SGO2: variants seen among roughly 807,000 people sequenced by gnomAD.
SGO2 encodes shugoshin 2.
In SGO2, 68 loss-of-function variants were observed where a neutral mutation model predicts 99.5. That is an observed-to-expected ratio of 0.68 (90% CI 0.56 to 0.84). The LOEUF (loss-of-function observed/expected upper bound fraction) is 0.84. Among genes scored for constraint, SGO2 ranks in the 40% least tolerant of loss-of-function variants. SGO2 has a pLI of 0.00. For missense variants in SGO2, 1,350 were observed against 1,436.7 expected, an observed-to-expected ratio of 0.94 and a Z score of 0.97; for synonymous variants, 457 against 487.1, an observed-to-expected ratio of 0.94 and a Z score of 0.81.
intron 8 of SGO2, among the ~76,000 whole-genome samples, 165 bp downstream of exon 8, chr2:200,575,626 T>C (rs1013537974): frequency 1.3e-5 from 2 of 152,216 alleles, no homozygotes; most frequent in African/African-American, 4.8e-5. Context: ...ATATGTCCTT[T>C]GGACAGGCTA....
At chr2:200,578,150 CTATAGA>C (rs71022324) in intron 8 of SGO2, among the ~76,000 whole-genome samples, 106 of 143,568 alleles carry the variant, frequency 7.4e-4, no homozygotes, top group South Asian at 6.8e-3. Flanking sequence ...GTTGTCTTTT[CTATAGA>C]TATAGATATA....
chr2:200,572,861 G>A lies in SGO2; in HGVS notation c.2515G>A (p.Asp839Asn). 6.3e-7 allele frequency: 1 copy of A among 1,595,612 alleles called. No individual in the cohort carries two copies. Among genetic ancestry groups the A allele is most frequent in the Non-Finnish European group, 8.5e-7 (1 of 1,174,710 alleles). ...CAAAGGTGTACATGACCTAGAAAAA[G>A]ATAACTTCTTCTCTCTAACCCCAAA... ...DNKGVHDLEK[D>N]NFFSLTPKDK... Residue 839 changes from aspartate (D) to asparagine (N), a missense_variant, in exon 7 of 9, where the codon GAT (aspartate) becomes AAT (asparagine). Transcript: ENST00000357799.
Position 200,572,843 on chromosome 2 carries a change from G to A in SGO2, c.2497G>A (p.Val833Ile). 1 of 1,600,984 alleles carries A rather than the reference G, an allele frequency of 6.2e-7. No homozygotes were observed. Among genetic ancestry groups the A allele is most frequent in the Non-Finnish European group, 8.5e-7 (1 of 1,176,346 alleles). ...NQIYENDNKG[V>I]HDLEKDNFFS... ...AATATATGAGAATGATAACAAAGGT[G>A]TACATGACCTAGAAAAAGATAACTT... Residue 833 changes from valine (V) to isoleucine (I), a missense_variant, in exon 7 of 9, where the codon GTA becomes ATA. Physicochemically the swap from Val to Ile is conservative, Grantham distance 29. Transcript: ENST00000357799.
At chr2:200,569,076 T>C (rs1166519388) in intron 5 of SGO2, among the ~76,000 whole-genome samples, 1 of 152,032 alleles carries the variant, frequency 6.6e-6, no homozygotes, top group African/African-American at 2.4e-5. Context: ...ACAAGACAGC[T>C]CTTTACTGTT....
At chr2:200,528,054 A>G (rs2031189355) in intron 1 of SGO2, among the ~76,000 whole-genome samples, 1 of 152,256 alleles carries the variant, frequency 6.6e-6, no homozygotes. Flanking sequence ...CAAGGTAGGC[A>G]GTGTGGCCAG....
chr2:200,575,515 A>T (rs1292393588), intron 8 of SGO2, 54 bp downstream of exon 8: 2 of 1,383,558 alleles, frequency 1.4e-6, no homozygotes, highest in African/African-American at 1.4e-5. Context: ...CCTTAAAAAA[A>T]TTTCTGCCTG....
intron 5 of SGO2, among the ~76,000 whole-genome samples, chr2:200,546,378 A>T (rs1160959110): frequency 6.6e-6 from 1 of 150,436 alleles, no homozygotes; most frequent in Non-Finnish European, 1.5e-5. Flanking sequence ...AAAAAAAAAA[A>T]AAGATTTGCT....
Position 200,533,104 on chromosome 2 carries a change from A to T in SGO2, c.129A>T (p.Ile43=). 1.3e-6 allele frequency: 2 copies of T among 1,579,488 alleles called. No individual in the cohort carries two copies. Among genetic ancestry groups the T allele is most frequent in the Non-Finnish European group, 1.7e-6 (2 of 1,168,904 alleles). ...VSLASKIKTK[I]LNNSSIFKIS... ...TTGCTTCAAAAATAAAAACAAAAATACTAAGTAAGTGCCATCAGTTTTAAA... is the reference window on the plus strand; with the variant it reads ...TTGCTTCAAAAATAAAAACAAAAATTCTAAGTAAGTGCCATCAGTTTTAAA... The change falls in exon 2 of 9, where the codon ATA becomes ATT. Residue 43 remains isoleucine (I), a synonymous_variant. Coordinates refer to ENST00000357799, the MANE Select transcript of SGO2 (RefSeq NM_152524.6).
At chr2:200,540,481 G>A in intron 4 of SGO2, among the ~76,000 whole-genome samples, 1 of 152,158 alleles carries the variant, frequency 6.6e-6, no homozygotes, top group Admixed American at 6.5e-5. Context: ...GAGAGTTCAG[G>A]CTGACACCAC....
Position 200,573,957 on chromosome 2 carries a change from G to C in SGO2, c.3611G>C (p.Arg1204Thr). ...AAGATGAAATTTAAAGTCAACCGGA[G>C]AACCCAAAAATCAGGAATAGGTAGG... is the stretch of plus-strand genomic sequence containing the variant. ...MNKMKFKVNR[R>T]TQKSGIGDRP... The change falls in exon 7 of 9, where the codon AGA (arginine) becomes ACA (threonine). Residue 1204 changes from arginine to threonine, a missense_variant. Transcript: ENST00000357799. 6.3e-7 allele frequency: 1 copy of C among 1,588,238 alleles called. No homozygotes were observed. Among genetic ancestry groups the C allele is most frequent in the Non-Finnish European group, 8.5e-7 (1 of 1,171,910 alleles).
intron 4 of SGO2, among the ~76,000 whole-genome samples, chr2:200,540,248 T>C (rs1559200958): frequency 6.6e-6 from 1 of 152,236 alleles, no homozygotes; most frequent in East Asian, 1.9e-4. Flanking sequence ...GTTACCTGAT[T>C]TTTGGTATGA....
intron 5 of SGO2, among the ~76,000 whole-genome samples, chr2:200,564,261 C>T (rs941097285): frequency 3.9e-5 from 6 of 152,018 alleles, no homozygotes; most frequent in Non-Finnish European, 8.8e-5. Flanking sequence ...GTATGTTGTG[C>T]CTTTGTTGTC....
Position 200,583,478 on chromosome 2 carries a change from A to G in SGO2, c.*14A>G. Reference sequence around the variant, plus strand: ...ATGAGAAGATGAAGTGAATTTATGGATTCTGGTTTTTCTGAATTTTCAAAG... The same window carrying G: ...ATGAGAAGATGAAGTGAATTTATGGGTTCTGGTTTTTCTGAATTTTCAAAG... On this transcript the variant is annotated 3_prime_UTR_variant, in exon 9 of 9. Coordinates refer to ENST00000357799, the MANE Select transcript of SGO2 (RefSeq NM_152524.6). 1 of 1,581,710 alleles carries G rather than the reference A, an allele frequency of 6.3e-7. No homozygotes were observed. Among genetic ancestry groups the G allele is most frequent in the Non-Finnish European group, 8.6e-7 (1 of 1,166,222 alleles).
At chr2:200,538,245 A>G (rs919870205) in intron 4 of SGO2, among the ~76,000 whole-genome samples, 1 of 151,690 alleles carries the variant, frequency 6.6e-6, no homozygotes, top group Non-Finnish European at 1.5e-5. Context: ...CTCATTTGCT[A>G]CTCTCCTCTT....
At chr2:200,540,672 T>C (rs2031921449) in intron 4 of SGO2, among the ~76,000 whole-genome samples, 1 of 152,224 alleles carries the variant, frequency 6.6e-6, no homozygotes, top group Middle Eastern at 3.2e-3. Context: ...TTCTTATCAC[T>C]GAATGGGGAT....
rs572210794 is a variant in SGO2 at position 200,554,273 on chromosome 2, G to C, written c.473+11609G>C. On this transcript the variant is annotated intron_variant, in intron 5 of 8. Coordinates refer to ENST00000357799, the MANE Select transcript of SGO2 (RefSeq NM_152524.6). ...CACTGAAAAACTAAAGATCATCAAC[G>C]TTTCAAGCAAAAAGCCAAAAAAGAT... Among the ~76,000 whole-genome samples, 83 of 152,198 alleles carry C rather than the reference G, an allele frequency of 5.5e-4. 1 individual carries two copies. Among genetic ancestry groups the C allele is most frequent in the African/African-American group, 2.0e-3 (82 of 41,532 alleles).
rs546275421 is a variant in SGO2 at position 200,566,644 on chromosome 2, G to A, written c.474-3019G>A. Among the ~76,000 whole-genome samples the A allele has an allele frequency of 6.6e-5, 10 of 152,300 alleles. No homozygotes were observed. The South Asian group carries it at 2.1e-3, about 32-fold the overall frequency. ...TCTGCAGAAATTTCTGCTGCCTTTTGTTCAGCTATGCCCTCCGCCAGAGGT... is the reference window on the plus strand; with the variant it reads ...TCTGCAGAAATTTCTGCTGCCTTTTATTCAGCTATGCCCTCCGCCAGAGGT... On this transcript the variant is annotated intron_variant, in intron 5 of 8. Transcript: ENST00000357799.
intron 5 of SGO2, among the ~76,000 whole-genome samples, chr2:200,566,771 G>A (rs936255014): frequency 9.2e-5 from 14 of 152,156 alleles, no homozygotes; most frequent in African/African-American, 1.7e-4. Context: ...CAGCAATGGC[G>A]GGCACCCGTC....
intron 8 of SGO2, among the ~76,000 whole-genome samples, chr2:200,578,965 A>G (rs1302387204): frequency 6.6e-6 from 1 of 152,058 alleles, no homozygotes; most frequent in Non-Finnish European, 1.5e-5. Flanking sequence ...CTTTTATGGG[A>G]GGCTGTCCTG....
Sources: gnomAD v4.1 joint callset for allele counts (sites outside exome capture counted in the v4.1 genomes callset) on GRCh38, gnomAD v4.1.1 for gene constraint, MANE v1.5 for transcripts, NCBI Gene and HGNC (gene_info 2026-07-23, HGNC 2026-07-21) for gene names.